The following C2CD5 variants were observed in gnomAD, a reference collection of about 807,000 sequenced individuals.
The protein encoded by C2CD5 is C2 domain-containing protein 5.
C2CD5 carries 109 observed loss-of-function variants against 130.3 expected under a neutral mutation model. The observed-to-expected ratio is 0.84, with a 90% CI of 0.72 to 0.98. C2CD5 has a LOEUF of 0.98. Ranked by LOEUF, C2CD5 falls within the 50% of genes least tolerant of loss-of-function variation. The pLI is 0.00. For missense variants in C2CD5, 996 were observed against 1,261.8 expected, an observed-to-expected ratio of 0.79 and a Z score of 3.19; for synonymous variants, 454 against 429.2, an observed-to-expected ratio of 1.06 and a Z score of -0.71.
intron 8 of C2CD5, chr12:22,515,110 G>A: frequency 3.0e-6 from 3 of 984,552 alleles, no homozygotes; most frequent in Non-Finnish European, 3.6e-6. Context: ...GAGAGGGGGA[G>A]CTGGGACACA....
intron 9 of C2CD5, among the ~76,000 whole-genome samples, chr12:22,508,873 T>A (rs1948869094): frequency 1.7e-5 from 2 of 118,462 alleles, no homozygotes; most frequent in South Asian, 5.4e-4. Context: ...ACTTAAATCT[T>A]TTTTTTTTTT....
chr12:22,496,889 C>A (rs936420544), intron 10 of C2CD5, among the ~76,000 whole-genome samples: 2 of 151,918 alleles, frequency 1.3e-5, no homozygotes, highest in African/African-American at 4.8e-5. Flanking sequence ...CATCAGAATT[C>A]ATTAATTTTT....
intron 7 of C2CD5, among the ~76,000 whole-genome samples, chr12:22,522,548 T>C (rs1193751611): frequency 6.6e-6 from 1 of 152,134 alleles, no homozygotes; most frequent in African/African-American, 2.4e-5. Flanking sequence ...GCAAACTCCT[T>C]TTTTTGTAAA....
At chr12:22,466,970 T>C (rs1213052145) in intron 22 of C2CD5, among the ~76,000 whole-genome samples, 1 of 152,142 alleles carries the variant, frequency 6.6e-6, no homozygotes, top group Admixed American at 6.5e-5. Context: ...AAGATGGATA[T>C]ATAAAAACAT....
At chr12:22,543,345 T>G (rs1212184612) in intron 2 of C2CD5, among the ~76,000 whole-genome samples, 7 of 152,228 alleles carry the variant, frequency 4.6e-5, no homozygotes, top group Admixed American at 3.3e-4. Flanking sequence ...ATTTTGCAAT[T>G]TAAGTCCATG....
In C2CD5 at chr12:22,527,752, T is replaced by G. The variant is rs898955331; in HGVS notation, c.318A>C (p.Ser106=). The change falls in exon 4 of 27, where the codon TCA becomes TCC. Residue 106 remains serine (S), a synonymous_variant. Coordinates refer to ENST00000446597, the MANE Select transcript of C2CD5 (RefSeq NM_001286176.2). ...TGGTGTCATAAATTGGAAACCATCC[T>G]GAGATGACTGTTGCAGCTTCACTAT... ...LLYSEAATVI[S]GWFPIYDTIH... 3.1e-6 allele frequency: 5 copies of G among 1,596,266 alleles called. No homozygotes were observed. Among genetic ancestry groups the G allele is most frequent in the Admixed American group, 1.7e-5 (1 of 58,258 alleles).
In C2CD5 at chr12:22,544,417, CCCA is replaced by C. The variant is rs1323504940; in HGVS notation, c.-130_-128del. ...CTTTGATGGGTTCTTCCGTCCCGGCCCCACAAGGCTGGGACGAAAAGCAAAACC... is the reference window on the plus strand; with the variant it reads ...CTTTGATGGGTTCTTCCGTCCCGGCCCAAGGCTGGGACGAAAAGCAAAACC... On this transcript the variant is annotated 5_prime_UTR_variant, in exon 1 of 27. Coordinates refer to ENST00000446597, the MANE Select transcript of C2CD5 (RefSeq NM_001286176.2). 2.9e-6 allele frequency: 1 copy of C among 343,910 alleles called. No homozygotes were observed. Among genetic ancestry groups the C allele is most frequent in the Non-Finnish European group, 5.2e-6 (1 of 190,724 alleles). 21.3% of individuals were successfully genotyped at this position (343,910 alleles called of 1,614,324 possible).
In C2CD5 at chr12:22,523,565, C is replaced by T. The variant is rs1436927545; in HGVS notation, c.661G>A (p.Gly221Arg). 2.5e-6 allele frequency: 4 copies of T among 1,613,836 alleles called. No individual in the cohort carries two copies. Among genetic ancestry groups the T allele is most frequent in the African/African-American group, 2.7e-5 (2 of 74,880 alleles). Residue 221 changes from glycine (G) to arginine (R), a missense_variant, in exon 7 of 27, where the codon GGG (glycine) becomes AGG (arginine). Transcript: ENST00000446597. ...VLEMRGNAVV[G>R]YLQCFDLEGE... The stretch of plus-strand genomic sequence containing the variant: ...TCCAGATCGAAACACTGTAAGTACC[C>T]CACAACTGCATTTCCTCTCATTTCA...
At chr12:22,512,049 C>T (rs1043304748) in intron 9 of C2CD5, among the ~76,000 whole-genome samples, 3 of 152,068 alleles carry the variant, frequency 2.0e-5, no homozygotes, top group Admixed American at 1.3e-4. Flanking sequence ...TTAGGTGGGC[C>T]TTTTGGTGGC....
At chr12:22,520,846 A>T (rs1436604348) in intron 7 of C2CD5, among the ~76,000 whole-genome samples, 1 of 152,144 alleles carries the variant, frequency 6.6e-6, no homozygotes, top group Admixed American at 6.5e-5. Context: ...AAAGAAAAAA[A>T]CTTAGGAAGT....
chr12:22,452,078 T>C (rs575148212), intron 26 of C2CD5, among the ~76,000 whole-genome samples: 7 of 152,286 alleles, frequency 4.6e-5, no homozygotes, highest in Non-Finnish European at 7.3e-5. Flanking sequence ...AGTGAACAAG[T>C]TGTATAAATT....
At chr12:22,505,989 C>T (rs536888472) in intron 10 of C2CD5, among the ~76,000 whole-genome samples, 1 of 143,810 alleles carries the variant, frequency 7.0e-6, no homozygotes, top group South Asian at 2.1e-4. Flanking sequence ...TCTGTGTCTC[C>T]TGAGTGCTGC....
chr12:22,482,655 TA>T lies in C2CD5; in HGVS notation c.1638del (p.His546GlnfsTer4). The T allele has an allele frequency of 6.2e-7, 1 of 1,612,536 alleles. No individual in the cohort carries two copies. Among genetic ancestry groups the T allele is most frequent in the African/African-American group, 1.3e-5 (1 of 75,028 alleles). On this transcript the variant is annotated frameshift_variant, in exon 14 of 27. Transcript: ENST00000446597. LOFTEE classifies it high-confidence loss of function. ...AGTTTTAGTTTATTCATTAGCTGAG[TA>T]TGCACTTCATATTCCATAAATGGCA... is the stretch of plus-strand genomic sequence containing the variant. The part of the protein sequence containing the change: ...NLLPFMEYEV[H>X]TQLMNKLKLK...
chr12:22,459,914 TGGAA>T, intron 22 of C2CD5, among the ~76,000 whole-genome samples: 1 of 152,266 alleles, frequency 6.6e-6, no homozygotes, highest in South Asian at 2.1e-4. Flanking sequence ...AAATGAAACA[TGGAA>T]GGAAAATGTT....
chr12:22,455,769 C>T (rs892060617), intron 25 of C2CD5, among the ~76,000 whole-genome samples: 4 of 152,154 alleles, frequency 2.6e-5, no homozygotes, highest in Non-Finnish European at 5.9e-5. Flanking sequence ...ACTGCAACCT[C>T]CACCTCTCAG....
At chr12:22,473,493 G>C (rs17339019) in intron 16 of C2CD5, among the ~76,000 whole-genome samples, 2 of 152,028 alleles carry the variant, frequency 1.3e-5, no homozygotes, top group Non-Finnish European at 2.9e-5. Flanking sequence ...CCAGGATCTC[G>C]AGCATTCTCC....
At chr12:22,472,498 C>A in intron 17 of C2CD5, 151 bp from the exon 18 acceptor site, 1 of 614,222 alleles carries the variant, frequency 1.6e-6, no homozygotes, top group South Asian at 2.2e-5. Flanking sequence ...TTTAAACCAT[C>A]CTAATAAATT....
intron 12 of C2CD5, among the ~76,000 whole-genome samples, chr12:22,488,424 CTTGT>C (rs777544815): frequency 4.6e-5 from 7 of 151,070 alleles, no homozygotes; most frequent in Non-Finnish European, 8.9e-5. Context: ...AGGCATTTTC[CTTGT>C]TTTTTTCTTT....
chr12:22,541,650 C>G (rs1258410097), intron 2 of C2CD5, among the ~76,000 whole-genome samples: 1 of 152,214 alleles, frequency 6.6e-6, no homozygotes, highest in Non-Finnish European at 1.5e-5. Context: ...CCCTCAGCAG[C>G]AGGCTCCTTC....
Sources: gnomAD v4.1 joint callset for allele counts (sites outside exome capture counted in the v4.1 genomes callset) on GRCh38, gnomAD v4.1.1 for gene constraint, MANE v1.5 for transcripts, NCBI Gene and HGNC (gene_info 2026-07-23, HGNC 2026-07-21) for gene names.